Variants in ATP5F1C observed in about 807,000 individuals in gnomAD.
ATP5F1C encodes ATP synthase F1 subunit gamma.
ATP5F1C carries 22 observed loss-of-function variants against 37.4 expected under a neutral mutation model. That is an observed-to-expected ratio of 0.59 (90% CI 0.42 to 0.84). The LOEUF (loss-of-function observed/expected upper bound fraction) is 0.84, where lower values mean the gene tolerates loss of function less well. Among genes scored for constraint, ATP5F1C ranks in the 40% least tolerant of loss-of-function variants. The pLI is 0.00. For synonymous variants in ATP5F1C, 121 were observed against 128.0 expected (o/e 0.95, Z 0.37); for missense variants, 286 against 362.4 (o/e 0.79, Z 1.71).
At chr10:7,790,727 G>A (rs1285486374) in intron 1 of ATP5F1C, among the ~76,000 whole-genome samples, 3 of 152,234 alleles carry the variant, frequency 2.0e-5, no homozygotes, top group Non-Finnish European at 2.9e-5. Context: ...AGACGGCAGG[G>A]ATTGAATTCT....
intron 1 of ATP5F1C, among the ~76,000 whole-genome samples, chr10:7,792,076 C>G (rs3802595): frequency 0.02 from 3,118 of 152,228 alleles, 66 homozygotes; most frequent in South Asian, 0.083. Flanking sequence ...ATTTTGTGTT[C>G]AGGGAGAAAA....
intron 1 of ATP5F1C, among the ~76,000 whole-genome samples, chr10:7,788,567 C>T (rs1361289807): frequency 6.6e-6 from 1 of 152,242 alleles, no homozygotes; most frequent in Non-Finnish European, 1.5e-5. Flanking sequence ...CTTGAGTTCC[C>T]TCAGCTAATC....
chr10:7,795,695 A>G (rs1486315642), intron 1 of ATP5F1C, among the ~76,000 whole-genome samples: 1 of 152,202 alleles, frequency 6.6e-6, no homozygotes, highest in Non-Finnish European at 1.5e-5. Flanking sequence ...GTCATGTTCG[A>G]CTATATCATT....
rs75488413 is a variant in ATP5F1C, at chr10:7,804,490, C to T, written c.890+1636C>T. On this transcript the variant is annotated intron_variant, in intron 8 of 9. Coordinates refer to ENST00000356708, the MANE Select transcript of ATP5F1C (RefSeq NM_001001973.3). ...AGCCTGAAAAGCCACTATTTCTTCC[C>T]TTGCTCCCTTGATTCTTCATCTGAC... 8.0e-3 allele frequency among the ~76,000 whole-genome samples: 1,215 copies of T among 152,310 alleles called. 16 individuals carry two copies. Among genetic ancestry groups the T allele is most frequent in the African/African-American group, 0.028 (1,146 of 41,552 alleles).
intron 1 of ATP5F1C, among the ~76,000 whole-genome samples, chr10:7,791,771 G>A (rs1331353420): frequency 6.6e-6 from 1 of 152,134 alleles, no homozygotes; most frequent in Non-Finnish European, 1.5e-5. Flanking sequence ...TACTCAAATT[G>A]TACCTAACAA....
At chr10:7,807,601 A>G (rs959597207) in intron 9 of ATP5F1C, 58 bp from the exon 10 acceptor site, 14 of 1,560,486 alleles carry the variant, frequency 9.0e-6, no homozygotes, top group Non-Finnish European at 1.2e-5. Context: ...ATCTCTTGAC[A>G]TTATTTTCCC....
chr10:7,796,558 G>C (rs908416669), intron 2 of ATP5F1C: 1 of 157,346 alleles, frequency 6.4e-6, no homozygotes, highest in Middle Eastern at 3.1e-3. Context: ...GTAGTAGCTA[G>C]TTTTGCCTTC....
At chr10:7,802,922 G>T in intron 8 of ATP5F1C, 68 bp downstream of exon 8, 1 of 1,399,498 alleles carries the variant, frequency 7.1e-7, no homozygotes, top group Non-Finnish European at 9.9e-7. Flanking sequence ...TTGTTTGGAT[G>T]CTTAAAAGTT....
chr10:7,795,433 T>C (rs913267139), intron 1 of ATP5F1C, among the ~76,000 whole-genome samples: 1 of 152,226 alleles, frequency 6.6e-6, no homozygotes, highest in African/African-American at 2.4e-5. Flanking sequence ...ATATTCATCT[T>C]TCACCAACAT....
intron 9 of ATP5F1C, 146 bp downstream of exon 9, chr10:7,807,156 C>A: frequency 1.5e-6 from 1 of 658,742 alleles, no homozygotes; most frequent in Non-Finnish European, 2.5e-6. Flanking sequence ...CACGGGAGCA[C>A]CTGGGCAACG....
In ATP5F1C at chr10:7,798,945, A is replaced by C. The variant is rs1836294491; in HGVS notation, c.224-45A>C. ...TGTAAATTAGAGATTTATTGTATTT[A>C]GTGTATTGCATATAAAAAAATTACT... On this transcript the variant is annotated intron_variant, in intron 3 of 9. Coordinates refer to ENST00000356708, the MANE Select transcript of ATP5F1C (RefSeq NM_001001973.3). 6 of 1,503,702 alleles carry C rather than the reference A, an allele frequency of 4.0e-6. No individual in the cohort carries two copies. In the South Asian group the frequency reaches 4.6e-5, roughly 12 times the overall value. 93.1% of individuals were successfully genotyped at this position (1,503,702 alleles called of 1,614,324 possible).
At chr10:7,795,188 G>A (rs1836218342) in intron 1 of ATP5F1C, among the ~76,000 whole-genome samples, 1 of 151,988 alleles carries the variant, frequency 6.6e-6, no homozygotes, top group Admixed American at 6.6e-5. Flanking sequence ...CAACTCATGT[G>A]TCCAGTTTCC....
chr10:7,797,904 T>C (rs1051179427), intron 3 of ATP5F1C, among the ~76,000 whole-genome samples: 12 of 152,226 alleles, frequency 7.9e-5, no homozygotes, highest in Admixed American at 2.0e-4. Flanking sequence ...AAAAAGAATT[T>C]ATATTGTGTT....
rs1836394573 is a variant in ATP5F1C, at chr10:7,802,749, T to C, written c.794-9T>C. 2 of 1,610,492 alleles carry C rather than the reference T, an allele frequency of 1.2e-6. No homozygotes were observed. Among genetic ancestry groups the C allele is most frequent in the East Asian group, 2.2e-5 (1 of 44,808 alleles). Reference sequence around the variant, plus strand: ...GATTTTTTATGTAGTGTTTTTGTTTTGTTTGTAGCTGAGATGATTGACAAA... The same window carrying C: ...GATTTTTTATGTAGTGTTTTTGTTTCGTTTGTAGCTGAGATGATTGACAAA... On this transcript the variant is annotated splice_polypyrimidine_tract_variant and intron_variant, in intron 7 of 9. Coordinates refer to ENST00000356708, the MANE Select transcript of ATP5F1C (RefSeq NM_001001973.3).
chr10:7,796,963 G>C, intron 2 of ATP5F1C, 84 bp from the exon 3 acceptor site: 1 of 1,456,680 alleles, frequency 6.9e-7, no homozygotes, highest in South Asian at 1.3e-5. Flanking sequence ...ATTCTGCCTT[G>C]CACTTCAGAA....
intron 8 of ATP5F1C, among the ~76,000 whole-genome samples, chr10:7,803,442 T>C (rs1165054950): frequency 6.6e-6 from 1 of 152,222 alleles, no homozygotes; most frequent in African/African-American, 2.4e-5. Context: ...TCGTATACTT[T>C]TAATCATCTC....
intron 4 of ATP5F1C, chr10:7,799,465 A>G (rs1379342727): frequency 1.8e-6 from 1 of 556,914 alleles, no homozygotes; most frequent in African/African-American, 1.9e-5. Context: ...AGCTATCAGC[A>G]TTAAGCCAAA....
At chr10:7,807,120 G>A in intron 9 of ATP5F1C, 110 bp downstream of exon 9, 1 of 1,055,078 alleles carries the variant, frequency 9.5e-7, no homozygotes, top group Non-Finnish European at 1.3e-6. Context: ...TTAGATGGAT[G>A]GGCCACTTCA....
intron 9 of ATP5F1C, among the ~76,000 whole-genome samples, 168 bp from the exon 10 acceptor site, chr10:7,807,491 A>G: frequency 6.6e-6 from 1 of 152,264 alleles, no homozygotes; most frequent in East Asian, 1.9e-4. Flanking sequence ...CATGAACCCC[A>G]TGAAAGGTTC....
Sources: gnomAD v4.1 joint callset for allele counts (sites outside exome capture counted in the v4.1 genomes callset) on GRCh38, gnomAD v4.1.1 for gene constraint, MANE v1.5 for transcripts, NCBI Gene and HGNC (gene_info 2026-07-23, HGNC 2026-07-21) for gene names.